DLGAP2: variants seen among roughly 807,000 people sequenced by gnomAD.
DLGAP2 encodes the protein DLG associated protein 2.
Under a neutral mutation model 100.3 loss-of-function variants are expected in DLGAP2, and 26 were observed. The ratio of observed to expected loss-of-function variants is 0.26; its 90% CI spans 0.19 to 0.36. DLGAP2 has a LOEUF of 0.36. Among genes scored for constraint, DLGAP2 ranks in the 10% least tolerant of loss-of-function variants. The pLI is 1.00. For synonymous variants in DLGAP2, 886 were observed against 630.1 expected, an observed-to-expected ratio of 1.41 and a Z score of -6.08; for missense variants, 1,858 against 1,453.2, an observed-to-expected ratio of 1.28 and a Z score of -4.53.
chr8:920,207 C>T (rs1234137005), intron 2 of DLGAP2, among the ~76,000 whole-genome samples: 1 of 152,218 alleles, frequency 6.6e-6, no homozygotes, highest in Admixed American at 6.5e-5. Flanking sequence ...ACATGGTGCC[C>T]AGGGTCGTGC....
chr8:958,069 T>C (rs1799635856), intron 2 of DLGAP2, among the ~76,000 whole-genome samples: 1 of 152,188 alleles, frequency 6.6e-6, no homozygotes, highest in African/African-American at 2.4e-5. Context: ...TGGCAGCCTC[T>C]GTTCATTCTT....
chr8:1,637,602 G>A (rs1479258596), intron 8 of DLGAP2, among the ~76,000 whole-genome samples: 1 of 152,092 alleles, frequency 6.6e-6, no homozygotes, highest in African/African-American at 2.4e-5. Flanking sequence ...TGTAAAAAAT[G>A]AACTAGAATA....
chr8:789,632 A>G (rs1821972070), intron 1 of DLGAP2, among the ~76,000 whole-genome samples: 1 of 152,176 alleles, frequency 6.6e-6, no homozygotes, highest in African/African-American at 2.4e-5. Context: ...GTAACATACT[A>G]GTATATATTC....
At chr8:1,218,169 A>C (rs754084540) in intron 2 of DLGAP2, among the ~76,000 whole-genome samples, 1 of 152,160 alleles carries the variant, frequency 6.6e-6, no homozygotes, top group Non-Finnish European at 1.5e-5. Flanking sequence ...TGCCAACACT[A>C]TGTTCAGAAT....
At chr8:1,346,407 A>G (rs1388316271) in intron 3 of DLGAP2, among the ~76,000 whole-genome samples, 3 of 150,614 alleles carry the variant, frequency 2.0e-5, no homozygotes, top group Admixed American at 6.6e-5. Context: ...CACTCACGGT[A>G]GCTGTGTGGA....
chr8:1,417,695 C>CACGGGGAGG (rs1796962137), intron 3 of DLGAP2, among the ~76,000 whole-genome samples: 3 of 144,490 alleles, frequency 2.1e-5, no homozygotes, highest in Admixed American at 6.8e-5. Flanking sequence ...GCACAGGGGG[C>CACGGGGAGG]CCCACTCCTG....
intron 2 of DLGAP2, among the ~76,000 whole-genome samples, chr8:1,182,444 C>T (rs761301521): frequency 5.7e-4 from 86 of 152,212 alleles, no homozygotes; most frequent in African/African-American, 2.0e-3. Context: ...CGTGTGATGT[C>T]TGCATGAGAT....
intron 2 of DLGAP2, among the ~76,000 whole-genome samples, chr8:1,218,061 T>C (rs947063693): frequency 2.0e-5 from 3 of 152,172 alleles, no homozygotes; most frequent in Non-Finnish European, 4.4e-5. Flanking sequence ...GTTTGCTCTG[T>C]TGATAGTTTC....
In DLGAP2 at chr8:1,354,152, C is replaced by G. The variant is rs367943456; in HGVS notation, c.106+95269C>G. ...GGAAATTTACCTTAAAGGATATTCT[C>G]TCAGCATGAACCGTTAAAAACAACC... On this transcript the variant is annotated intron_variant, in intron 3 of 14. Transcript: ENST00000637795. 2.0e-5 allele frequency among the ~76,000 whole-genome samples: 3 copies of G among 152,286 alleles called. No homozygotes were observed. The East Asian group carries it at 5.8e-4, about 29-fold the overall frequency.
chr8:1,156,458 G>A (rs1170976324), intron 2 of DLGAP2, among the ~76,000 whole-genome samples: 3 of 152,176 alleles, frequency 2.0e-5, no homozygotes, highest in Non-Finnish European at 2.9e-5. Flanking sequence ...CAGGCCACAC[G>A]CTCACGTCTC....
chr8:1,284,381 C>T (rs2116955527), intron 3 of DLGAP2, among the ~76,000 whole-genome samples: 1 of 152,204 alleles, frequency 6.6e-6, no homozygotes, highest in East Asian at 1.9e-4. Flanking sequence ...AAAATGATCC[C>T]ATCAGTAATT....
At chr8:1,091,208 G>A (rs1031038238) in intron 2 of DLGAP2, among the ~76,000 whole-genome samples, 3 of 152,234 alleles carry the variant, frequency 2.0e-5, no homozygotes, top group Non-Finnish European at 4.4e-5. Context: ...ACTTCGTGAA[G>A]TACTGGAAGC....
intron 1 of DLGAP2, among the ~76,000 whole-genome samples, chr8:836,443 G>A (rs981731404): frequency 1.1e-4 from 17 of 152,206 alleles, no homozygotes. Flanking sequence ...TCCTGCAGGC[G>A]CCCTGGCAGG....
chr8:1,522,199 C>T (rs1468418890), intron 4 of DLGAP2, among the ~76,000 whole-genome samples: 1 of 152,236 alleles, frequency 6.6e-6, no homozygotes, highest in East Asian at 1.9e-4. Context: ...GTGGGGTCCA[C>T]TCAGACCTTT....
At chr8:877,373 T>C (rs572994293) in intron 1 of DLGAP2, among the ~76,000 whole-genome samples, 41 of 152,282 alleles carry the variant, frequency 2.7e-4, no homozygotes, top group African/African-American at 9.9e-4. Flanking sequence ...CTGTCCCCCA[T>C]GGTGTTTAGC....
intron 2 of DLGAP2, among the ~76,000 whole-genome samples, chr8:1,174,772 G>C (rs1348845989): frequency 6.6e-6 from 1 of 151,496 alleles, no homozygotes; most frequent in East Asian, 2.0e-4. Context: ...TATCATCATT[G>C]TCATCATCAC....
At position 1,630,498 on chromosome 8, in the gene DLGAP2, C is replaced by T. The variant is rs1028100469; in HGVS notation, c.1591-2329C>T. 2.0e-4 allele frequency among the ~76,000 whole-genome samples: 31 copies of T among 151,982 alleles called. 1 individual carries two copies. Among genetic ancestry groups the T allele is most frequent in the Non-Finnish European group, 1.5e-5 (1 of 67,972 alleles). On this transcript the variant is annotated intron_variant, in intron 7 of 14. Transcript: ENST00000637795. ...TGGGTGGATCACGAGGTCAGGAGAT[C>T]GAGACCATCCTGGCTAACATGGTGA...
At chr8:1,201,586 C>T (rs940577670) in intron 2 of DLGAP2, among the ~76,000 whole-genome samples, 3 of 152,172 alleles carry the variant, frequency 2.0e-5, no homozygotes, top group Non-Finnish European at 2.9e-5. Context: ...TGTGTGGTCA[C>T]CGGCACGGCA....
chr8:913,946 C>T (rs998153263), intron 2 of DLGAP2, among the ~76,000 whole-genome samples: 1 of 152,322 alleles, frequency 6.6e-6, no homozygotes, highest in East Asian at 1.9e-4. Context: ...GCACCTCAGA[C>T]GGGTTTGCTG....
Sources: allele counts gnomAD v4.1 joint callset (sites outside exome capture counted in the v4.1 genomes callset), GRCh38; gene constraint gnomAD v4.1.1; transcripts MANE v1.5; gene names NCBI Gene and HGNC (gene_info 2026-07-23, HGNC 2026-07-21).